The following NLRP11 variants were observed in gnomAD, a reference collection of about 807,000 sequenced individuals.
NLRP11 encodes the protein NLR family pyrin domain containing 11, also known as NACHT, LRR and PYD domains-containing protein 11.
In NLRP11, 53 loss-of-function variants were observed where a neutral mutation model predicts 79.3. The observed-to-expected ratio is 0.67, with a 90% CI of 0.54 to 0.84. NLRP11 has a LOEUF of 0.84. Ranked by LOEUF, NLRP11 falls within the 40% of genes least tolerant of loss-of-function variation. The pLI is 0.00. For missense variants in NLRP11, 1,264 were observed against 1,255.0 expected (o/e 1.01, Z -0.11); for synonymous variants, 518 against 462.6 (o/e 1.12, Z -1.54).
intron 1 of NLRP11, among the ~76,000 whole-genome samples, chr19:55,819,824 G>C (rs998623566): frequency 2.0e-5 from 3 of 152,124 alleles, no homozygotes; most frequent in African/African-American, 7.2e-5. Context: ...ACAAGACAGA[G>C]TCACTGGTAT....
intron 2 of NLRP11, among the ~76,000 whole-genome samples, 155 bp downstream of exon 2, chr19:55,817,749 A>T (rs1290288638): frequency 6.6e-6 from 1 of 150,798 alleles, no homozygotes; most frequent in East Asian, 2.0e-4. Flanking sequence ...GGGATGCCAA[A>T]GTTTTAGAAA....
At position 55,824,818 on chromosome 19, in the gene NLRP11, C is replaced by T. The variant is rs374494947; in HGVS notation, c.-62-6582G>A. 2.0e-5 allele frequency among the ~76,000 whole-genome samples: 2 copies of T among 102,242 alleles called. 1 individual carries two copies. Among genetic ancestry groups the T allele is most frequent in the African/African-American group, 1.5e-4 (2 of 13,094 alleles). The allele number at this position is 102,242 out of a possible 152,430, so 67.1% of individuals were successfully genotyped here. A position where few individuals can be genotyped will look rare whatever the true frequency, so the allele number is the denominator to read the frequency against. On this transcript the variant is annotated intron_variant, in intron 1 of 9. Transcript: ENST00000589093. Reference sequence around the variant, plus strand: ...ACTCCCACGCATTAATAATGGGAGACGTTAACACCCCACTGTCAACATTAG... The same window carrying T: ...ACTCCCACGCATTAATAATGGGAGATGTTAACACCCCACTGTCAACATTAG...
intron 1 of NLRP11, among the ~76,000 whole-genome samples, chr19:55,820,258 C>T: frequency 6.6e-6 from 1 of 152,164 alleles, no homozygotes; most frequent in Non-Finnish European, 1.5e-5. Flanking sequence ...AGAAGGCACG[C>T]ATGCACCCAG....
upstream of NLRP11, among the ~76,000 whole-genome samples, chr19:55,833,087 A>AT (rs1290872952): frequency 6.6e-6 from 1 of 152,238 alleles, no homozygotes; most frequent in Non-Finnish European, 1.5e-5. Flanking sequence ...GGAATTTAAA[A>AT]TTTTAAAGGA....
intron 4 of NLRP11, among the ~76,000 whole-genome samples, chr19:55,806,141 G>A (rs1336628811): frequency 1.3e-5 from 2 of 152,152 alleles, no homozygotes; most frequent in African/African-American, 2.4e-5. Context: ...TTATGTTGGA[G>A]AACTCCGGGC....
At chr19:55,801,542 CA>C in intron 5 of NLRP11, 29 bp downstream of exon 5, 2 of 1,602,506 alleles carry the variant, frequency 1.2e-6, no homozygotes, top group Non-Finnish European at 1.7e-6. Flanking sequence ...CCCTCACATG[CA>C]CTGAGCTTTC....
chr19:55,828,592 T>C (rs866805220), intron 1 of NLRP11, among the ~76,000 whole-genome samples: 3 of 152,178 alleles, frequency 2.0e-5, no homozygotes, highest in African/African-American at 4.8e-5. Context: ...AATTATGGTA[T>C]CACAAATCCA....
At chr19:55,806,997 T>C (rs1234200769) in intron 4 of NLRP11, among the ~76,000 whole-genome samples, 1 of 152,184 alleles carries the variant, frequency 6.6e-6, no homozygotes, top group Non-Finnish European at 1.5e-5. Context: ...TACCCACTTA[T>C]GCACCCTGAC....
chr19:55,818,674 A>C (rs1465606432), intron 1 of NLRP11, among the ~76,000 whole-genome samples: 1 of 152,192 alleles, frequency 6.6e-6, no homozygotes, highest in Non-Finnish European at 1.5e-5. Context: ...ATTTACAATG[A>C]TTATACTCCT....
At chr19:55,818,948 A>G (rs1981404055) in intron 1 of NLRP11, among the ~76,000 whole-genome samples, 1 of 152,086 alleles carries the variant, frequency 6.6e-6, no homozygotes. Flanking sequence ...ACACAGCCCA[A>G]ATAAGCAGAT....
At chr19:55,822,523 T>C (rs1336102051) in intron 1 of NLRP11, among the ~76,000 whole-genome samples, 2 of 151,634 alleles carry the variant, frequency 1.3e-5, no homozygotes, top group Admixed American at 6.6e-5. Context: ...CACTAGGGAG[T>C]GCCAGACAGT....
intron 4 of NLRP11, among the ~76,000 whole-genome samples, chr19:55,801,956 G>A (rs1188479204): frequency 1.3e-5 from 2 of 152,122 alleles, no homozygotes; most frequent in Admixed American, 6.6e-5. Context: ...GGTCTTTATG[G>A]TGTGTTCACC....
chr19:55,817,538 A>G (rs560937277), intron 2 of NLRP11, among the ~76,000 whole-genome samples: 1 of 152,264 alleles, frequency 6.6e-6, no homozygotes, highest in Admixed American at 6.5e-5. Flanking sequence ...GCTGGATGGG[A>G]TTAGAGACCA....
At position 55,807,862 on chromosome 19, in the gene NLRP11, C is replaced by T. The variant is rs561424521; in HGVS notation, c.1994G>A (p.Arg665His). 36 of 1,608,802 alleles carry T rather than the reference C, an allele frequency of 2.2e-5. No individual in the cohort carries two copies. The highest frequency in any genetic ancestry group is 1.6e-4 in the Middle Eastern group (1 of 6,068). ...TTGATATAGTACTTACTTGAGTGTG[C>T]GAAGTTTACAGCTAGAATGCTCCAG... The change falls in exon 4 of 10, where the codon CGC (arginine) becomes CAC (histidine). Residue 665 changes from arginine (R) to histidine (H), a missense_variant. Coordinates refer to ENST00000589093, the Ensembl canonical transcript of NLRP11.
intron 1 of NLRP11, among the ~76,000 whole-genome samples, chr19:55,820,460 C>T (rs1434219625): frequency 1.3e-5 from 2 of 152,062 alleles, no homozygotes; most frequent in African/African-American, 2.4e-5. Flanking sequence ...ACTAGAAAAT[C>T]CCACTGAACA....
At chr19:55,796,750 G>C (rs1040921371) in intron 5 of NLRP11, among the ~76,000 whole-genome samples, 1 of 151,170 alleles carries the variant, frequency 6.6e-6, no homozygotes, top group Non-Finnish European at 1.5e-5. Flanking sequence ...GCAATGGTGC[G>C]ATCTCGGCTC....
intron 4 of NLRP11, 100 bp from the exon 5 acceptor site, chr19:55,801,839 C>T: frequency 1.1e-6 from 1 of 921,732 alleles, no homozygotes; most frequent in Non-Finnish European, 1.7e-6. Flanking sequence ...CAAAGATTCT[C>T]AGTGGATTAC....
chr19:55,788,772 A>G (rs1555800983), intron 9 of NLRP11, 35 bp downstream of exon 9: 2 of 965,354 alleles, frequency 2.1e-6, no homozygotes, highest in Admixed American at 5.4e-5. Flanking sequence ...AAAAAAAAGA[A>G]TTTTCCCCAT....
At chr19:55,827,131 A>G (rs11672214) in intron 1 of NLRP11, among the ~76,000 whole-genome samples, 1 of 127,316 alleles carries the variant, frequency 7.9e-6, no homozygotes, top group Non-Finnish European at 1.6e-5. Context: ...ACTATCTGGT[A>G]TTTGACAAAC....
Sources: allele counts gnomAD v4.1 joint callset (sites outside exome capture counted in the v4.1 genomes callset), GRCh38; gene constraint gnomAD v4.1.1; transcripts MANE v1.5; gene names NCBI Gene and HGNC (gene_info 2026-07-23, HGNC 2026-07-21).